The following LINGO2 variants were observed in gnomAD, a reference collection of about 807,000 sequenced individuals.
LINGO2 encodes leucine-rich repeat and immunoglobulin-like domain-containing nogo receptor-interacting protein 2.
LINGO2 carries 14 observed loss-of-function variants against 30.6 expected under a neutral mutation model. That is an observed-to-expected ratio of 0.46 (90% CI 0.30 to 0.72). The LOEUF is 0.72. Among genes scored for constraint, LINGO2 ranks in the 30% least tolerant of loss-of-function variants. LINGO2 has a pLI of 0.07. For synonymous variants in LINGO2, 317 were observed against 288.5 expected (o/e 1.10, Z -1.00); for missense variants, 729 against 751.7 (o/e 0.97, Z 0.35).
chr9:28,901,359 CA>C, the LINGO2 span, among the ~76,000 whole-genome samples: 1 of 151,972 alleles, frequency 6.6e-6, no homozygotes, highest in East Asian at 1.9e-4. Flanking sequence ...ATTAGTAACA[CA>C]AAACATATTA....
chr9:29,180,638 T>C, the LINGO2 span, among the ~76,000 whole-genome samples: 99,594 of 151,996 alleles, frequency 0.66, 32,985 homozygotes, highest in East Asian at 0.82. Context: ...TTCAAAGCTT[T>C]TAAACCGTGT....
chr9:28,031,688 G>A (rs887689259), intron 4 of LINGO2, among the ~76,000 whole-genome samples: 14 of 152,100 alleles, frequency 9.2e-5, no homozygotes, highest in Non-Finnish European at 1.5e-4. Flanking sequence ...TGTCTGTGTC[G>A]GCTAAGCCGA....
At chr9:27,996,294 TAAGA>T (rs912955691) in intron 5 of LINGO2, among the ~76,000 whole-genome samples, 2 of 152,098 alleles carry the variant, frequency 1.3e-5, no homozygotes, top group Non-Finnish European at 2.9e-5. Context: ...TGTGTATATA[TAAGA>T]AAGAAAATCA....
chr9:28,076,142 C>CA (rs1274172020), intron 4 of LINGO2, among the ~76,000 whole-genome samples: 1 of 152,092 alleles, frequency 6.6e-6, no homozygotes, highest in Non-Finnish European at 1.5e-5. Context: ...TCTGGTACCA[C>CA]AATTCACCCC....
At chr9:28,399,814 A>G (rs1822187814) in intron 2 of LINGO2, among the ~76,000 whole-genome samples, 1 of 152,148 alleles carries the variant, frequency 6.6e-6, no homozygotes, top group Non-Finnish European at 1.5e-5. Context: ...TGTTCATTCT[A>G]TTTTCAGTTC....
intron 4 of LINGO2, among the ~76,000 whole-genome samples, chr9:28,262,738 G>C (rs1238210558): frequency 1.3e-5 from 2 of 151,886 alleles, no homozygotes; most frequent in Non-Finnish European, 2.9e-5. Context: ...GATGTATAGA[G>C]AATTGAAGGA....
chr9:28,227,829 A>T (rs1201289819), intron 4 of LINGO2, among the ~76,000 whole-genome samples: 1 of 152,084 alleles, frequency 6.6e-6, no homozygotes, highest in Non-Finnish European at 1.5e-5. Flanking sequence ...AGGAAGGTTC[A>T]GGAAAGATGG....
chr9:28,338,485 T>C (rs754785357), intron 3 of LINGO2, among the ~76,000 whole-genome samples: 19 of 152,250 alleles, frequency 1.2e-4, no homozygotes, highest in Middle Eastern at 6.8e-3. Flanking sequence ...TGATTGTCTT[T>C]TGAAATGTGA....
chr9:27,954,505 G>T (rs1445413477), intron 5 of LINGO2, among the ~76,000 whole-genome samples: 1 of 152,092 alleles, frequency 6.6e-6, no homozygotes, highest in Non-Finnish European at 1.5e-5. Context: ...TTCTATCCAT[G>T]TTGCTGCAAA....
chr9:28,001,615 C>T (rs1821958658), intron 5 of LINGO2, among the ~76,000 whole-genome samples: 1 of 151,952 alleles, frequency 6.6e-6, no homozygotes, highest in African/African-American at 2.4e-5. Context: ...TGTTGCAAGT[C>T]TTTCAGAGGC....
intron 4 of LINGO2, among the ~76,000 whole-genome samples, chr9:28,288,094 C>T (rs1823583315): frequency 6.6e-6 from 1 of 152,096 alleles, no homozygotes; most frequent in African/African-American, 2.4e-5. Context: ...ATCTTCCCTA[C>T]TTCCGCCCCA....
At chr9:28,318,605 C>T (rs1312824307) in intron 3 of LINGO2, among the ~76,000 whole-genome samples, 1 of 152,088 alleles carries the variant, frequency 6.6e-6, no homozygotes, top group Non-Finnish European at 1.5e-5. Flanking sequence ...AAAAAACAGT[C>T]TACTTAGAAA....
intron 4 of LINGO2, among the ~76,000 whole-genome samples, chr9:28,108,261 C>T (rs1345925007): frequency 1.3e-5 from 2 of 152,054 alleles, no homozygotes; most frequent in South Asian, 2.1e-4. Flanking sequence ...AGGTTGTTTC[C>T]CCTATGAAAA....
intron 4 of LINGO2, among the ~76,000 whole-genome samples, chr9:28,242,586 A>G (rs1821839602): frequency 6.6e-6 from 1 of 152,166 alleles, no homozygotes; most frequent in Non-Finnish European, 1.5e-5. Flanking sequence ...CCAACCTAGC[A>G]AGACAGGCCA....
At chr9:28,943,947 C>T in the LINGO2 span, among the ~76,000 whole-genome samples, 3 of 152,110 alleles carry the variant, frequency 2.0e-5, no homozygotes, top group South Asian at 2.1e-4. Context: ...AACACATTCA[C>T]GGAAGAATGC....
chr9:28,160,147 A>G (rs1828245092), intron 4 of LINGO2, among the ~76,000 whole-genome samples: 2 of 152,196 alleles, frequency 1.3e-5, no homozygotes, highest in Non-Finnish European at 2.9e-5. Flanking sequence ...TAAGGTTAAT[A>G]TAGGCATTGT....
chr9:28,626,756 T>A (rs1350287331), intron 1 of LINGO2, among the ~76,000 whole-genome samples: 1 of 151,998 alleles, frequency 6.6e-6, no homozygotes, highest in Non-Finnish European at 1.5e-5. Context: ...CACTGATTGT[T>A]TTTTTCTACA....
At chr9:28,706,024 AGC>A in the LINGO2 span, among the ~76,000 whole-genome samples, 1 of 152,232 alleles carries the variant, frequency 6.6e-6, no homozygotes, top group Middle Eastern at 3.4e-3. Flanking sequence ...CTTACACTCC[AGC>A]TTTTCAGACA....
chr9:29,056,289 G>A, the LINGO2 span, among the ~76,000 whole-genome samples: 10 of 152,028 alleles, frequency 6.6e-5, no homozygotes, highest in Non-Finnish European at 1.0e-4. Context: ...TGATTATGGC[G>A]TCCTTGAAGG....
Sources: allele counts gnomAD v4.1 joint callset (sites outside exome capture counted in the v4.1 genomes callset), GRCh38; gene constraint gnomAD v4.1.1; transcripts MANE v1.5; gene names NCBI Gene and HGNC (gene_info 2026-07-23, HGNC 2026-07-21).